Variants in C2CD3 observed in about 807,000 individuals in gnomAD.
C2CD3 encodes C2 domain-containing protein 3.
A neutral mutation model predicts 234.0 loss-of-function variants in C2CD3; 148 were observed. The observed-to-expected ratio is 0.63, with a 90% CI of 0.55 to 0.72. The LOEUF is 0.72. Ranked by LOEUF, C2CD3 falls within the 30% of genes least tolerant of loss-of-function variation. C2CD3 has a pLI of 0.00. For missense variants in C2CD3, 2,577 were observed against 2,811.5 expected, an observed-to-expected ratio of 0.92 and a Z score of 1.89; for synonymous variants, 1,000 against 1,035.4, an observed-to-expected ratio of 0.97 and a Z score of 0.66.
At chr11:74,077,966 T>C (rs997291570) in intron 23 of C2CD3, 149 bp downstream of exon 23, 10 of 946,752 alleles carry the variant, frequency 1.1e-5, no homozygotes, top group Admixed American at 3.1e-5. Context: ...CTGAGCCTCC[T>C]TTTTTATGAA....
intron 31 of C2CD3, among the ~76,000 whole-genome samples, chr11:74,031,526 AG>A (rs1277694115): frequency 1.3e-5 from 2 of 152,134 alleles, no homozygotes; most frequent in Admixed American, 6.5e-5. Context: ...CTCCAAGTAG[AG>A]TTAGGGCAGC....
chr11:74,081,889 C>T lies in C2CD3; in HGVS notation c.4000+2992G>A, dbSNP rs374387729. ...AGCTTAAGGAGATTTTGGGCTGAGA[C>T]GATGGGGTTTTTTTTCTAAATATAT... On this transcript the variant is annotated intron_variant, in intron 22 of 32. Coordinates refer to ENST00000334126, the MANE Select transcript of C2CD3 (RefSeq NM_001286577.2). 3.9e-5 allele frequency among the ~76,000 whole-genome samples: 6 copies of T among 152,088 alleles called. No individual in the cohort carries two copies. The South Asian group carries it at 8.3e-4, about 21-fold the overall frequency.
At chr11:74,099,614 A>G (rs11235997) in intron 15 of C2CD3, among the ~76,000 whole-genome samples, 34,345 of 152,006 alleles carry the variant, frequency 0.23, 4,176 homozygotes, top group African/African-American at 0.3. Context: ...GGAACAGTTT[A>G]GGCTGGGCGC....
Position 74,170,842 on chromosome 11 carries a change from A to AG in C2CD3, c.-51dup. On this transcript the variant is annotated 5_prime_UTR_variant, in exon 1 of 33. The change creates a premature stop within an existing upstream ORF in the 5' untranslated region. Coordinates refer to ENST00000334126, the MANE Select transcript of C2CD3 (RefSeq NM_001286577.2). ...AGCTCAACTCCGTCTCCAGCACCTA[A>AG]GCAGTATCCTCCCGCCATCCCTCCC... 6.2e-7 allele frequency: 1 copy of AG among 1,611,762 alleles called. No homozygotes were observed.
intron 3 of C2CD3, among the ~76,000 whole-genome samples, chr11:74,146,070 G>C (rs541700578): frequency 1.3e-5 from 2 of 152,250 alleles, no homozygotes; most frequent in South Asian, 4.1e-4. Context: ...TGGGCCTGTA[G>C]AACAGACAAA....
At chr11:74,121,389 T>C (rs918426984) in intron 8 of C2CD3, among the ~76,000 whole-genome samples, 1 of 151,954 alleles carries the variant, frequency 6.6e-6, no homozygotes, top group African/African-American at 2.4e-5. Flanking sequence ...CGCGGACCAC[T>C]TGAAGTCAGG....
At chr11:74,088,644 T>C (rs1472705439) in intron 20 of C2CD3, among the ~76,000 whole-genome samples, 2 of 152,258 alleles carry the variant, frequency 1.3e-5, no homozygotes, top group East Asian at 1.9e-4. Context: ...ACTGAGTATC[T>C]AAATTCTGAG....
At chr11:74,043,847 T>C (rs966100825) in intron 28 of C2CD3, among the ~76,000 whole-genome samples, 16 of 152,234 alleles carry the variant, frequency 1.1e-4, no homozygotes, top group Middle Eastern at 6.8e-3. Flanking sequence ...ATTCTATATA[T>C]TATTTTGAGA....
chr11:74,085,107 C>T (rs925730828), intron 21 of C2CD3, 137 bp from the exon 22 acceptor site: 1 of 536,502 alleles, frequency 1.9e-6, no homozygotes, highest in African/African-American at 1.9e-5. Context: ...TTATCTTGCT[C>T]TTGCTCATGC....
In C2CD3 at chr11:74,034,629, A is replaced by C. The variant is rs1168388239; in HGVS notation, c.5882-351T>G. ...ACTACCTATATTAAAAATCAAAATG[A>C]GAATCCACTTATTTACCTATTTGAT... is the stretch of plus-strand genomic sequence containing the variant. On this transcript the variant is annotated intron_variant, in intron 30 of 32. Coordinates refer to ENST00000334126, the MANE Select transcript of C2CD3 (RefSeq NM_001286577.2). The C allele has an allele frequency of 2.5e-6, 4 of 1,596,506 alleles. No homozygotes were observed. In the African/African-American group the frequency reaches 5.4e-5, roughly 21 times the overall value.
At chr11:74,025,736 C>G (rs1412049169) in intron 32 of C2CD3, among the ~76,000 whole-genome samples, 1 of 152,014 alleles carries the variant, frequency 6.6e-6, no homozygotes, top group Non-Finnish European at 1.5e-5. Context: ...GGAAAGGGAG[C>G]TAAGAGGGCC....
In C2CD3 at chr11:74,095,376, G is replaced by A. The variant is rs1484218504; in HGVS notation, c.3012C>T (p.His1004=). The part of the protein sequence containing the change: ...AEDRGNGLME[H]CFEIHIEMVK... ...CCATCTCTATATGGATCTCAAAGCA[G>A]TGCTCCATCAGTCCATTTCCTCGGT... is the stretch of plus-strand genomic sequence containing the variant. Residue 1004 remains histidine, a synonymous_variant, in exon 17 of 33, where the codon CAC becomes CAT. Coordinates refer to ENST00000334126, the MANE Select transcript of C2CD3 (RefSeq NM_001286577.2). 6.2e-7 allele frequency: 1 copy of A among 1,613,346 alleles called. No homozygotes were observed.
intron 30 of C2CD3, chr11:74,034,506 T>C (rs758393620): frequency 6.2e-7 from 1 of 1,601,022 alleles, no homozygotes; most frequent in East Asian, 2.3e-5. Flanking sequence ...TGTGGATACA[T>C]CTGTGGAAAT....
chr11:74,169,496 T>C (rs1232980069), intron 1 of C2CD3, among the ~76,000 whole-genome samples: 1 of 152,120 alleles, frequency 6.6e-6, no homozygotes, highest in Non-Finnish European at 1.5e-5. Context: ...GAAGAAAATA[T>C]ATGGAATGTA....
At chr11:74,123,573 G>A (rs772279253) in intron 7 of C2CD3, among the ~76,000 whole-genome samples, 15 of 151,948 alleles carry the variant, frequency 9.9e-5, no homozygotes, top group Non-Finnish European at 1.9e-4. Context: ...ACAAAAATAC[G>A]TGTATTTAGG....
chr11:74,078,161 G>A lies in C2CD3; in HGVS notation c.4557C>T (p.Asp1519=). The change falls in exon 23 of 33, where the codon GAC becomes GAT. Residue 1519 remains aspartate, a synonymous_variant. Transcript: ENST00000334126. ...TDSWIGSAYV[D]LARLGERSAR... is the part of the protein sequence containing the mutation. ...CTGACCTCTCCCCAAGTCTGGCCAG[G>A]TCCACATAGGCTGAGCCAATCCAGC... is the stretch of plus-strand genomic sequence containing the variant. 2 of 1,613,890 alleles carry A rather than the reference G, an allele frequency of 1.2e-6. No homozygotes were observed. Among genetic ancestry groups the A allele is most frequent in the Non-Finnish European group, 1.7e-6 (2 of 1,179,974 alleles).
At chr11:74,167,168 A>T (rs957725861) in intron 2 of C2CD3, among the ~76,000 whole-genome samples, 2 of 152,228 alleles carry the variant, frequency 1.3e-5, no homozygotes, top group African/African-American at 4.8e-5. Context: ...GCCAAGTCCA[A>T]TGCACCAATA....
At chr11:74,082,598 C>T (rs1955436871) in intron 22 of C2CD3, among the ~76,000 whole-genome samples, 1 of 152,044 alleles carries the variant, frequency 6.6e-6, no homozygotes, top group South Asian at 2.1e-4. Context: ...TATTGATTTG[C>T]ATATGTTGAA....
intron 3 of C2CD3, among the ~76,000 whole-genome samples, chr11:74,152,923 A>T (rs1042010216): frequency 2.0e-5 from 3 of 152,214 alleles, no homozygotes; most frequent in African/African-American, 7.2e-5. Context: ...CCTATATCTA[A>T]CATCACATTT....
Sources: allele counts gnomAD v4.1 joint callset (sites outside exome capture counted in the v4.1 genomes callset), GRCh38; gene constraint gnomAD v4.1.1; transcripts MANE v1.5; gene names NCBI Gene and HGNC (gene_info 2026-07-23, HGNC 2026-07-21).